Variants in UBE2G1 observed in about 807,000 individuals in gnomAD.
UBE2G1 encodes ubiquitin-conjugating enzyme E2 G1.
A neutral mutation model predicts 22.7 loss-of-function variants in UBE2G1; 5 were observed. The observed-to-expected ratio is 0.22, with a 90% CI of 0.12 to 0.46. The LOEUF (loss-of-function observed/expected upper bound fraction) is 0.46, where lower values mean the gene tolerates loss of function less well. Among genes scored for constraint, UBE2G1 ranks in the 20% least tolerant of loss-of-function variants. The pLI, the probability that UBE2G1 is intolerant of heterozygous loss-of-function variation, is 0.99. For missense variants in UBE2G1, 88 were observed against 203.9 expected (o/e 0.43, Z 3.46); for synonymous variants, 74 against 67.5 (o/e 1.10, Z -0.47).
chr17:4,314,121 T>C lies in UBE2G1; in HGVS notation c.47-6998A>G, dbSNP rs976453474. Among the ~76,000 whole-genome samples the C allele has an allele frequency of 9.8e-5, 15 of 152,306 alleles. No homozygotes were observed. In the East Asian group the frequency reaches 2.9e-3, roughly 29 times the overall value. On this transcript the variant is annotated intron_variant, in intron 1 of 5. Transcript: ENST00000396981. ...CTCAGATCTATCCACTGAAAAGGTC[T>C]AGAAAAAATGAACAGCCCAGTAGTG...
intron 1 of UBE2G1, among the ~76,000 whole-genome samples, chr17:4,347,985 C>T (rs201012328): frequency 6.6e-6 from 1 of 152,194 alleles, no homozygotes; most frequent in Non-Finnish European, 1.5e-5. Flanking sequence ...TGAGACACAA[C>T]AATACTGAAA....
intron 4 of UBE2G1, 95 bp downstream of exon 4, chr17:4,289,135 G>C: frequency 2.0e-6 from 2 of 1,014,112 alleles, no homozygotes; most frequent in Non-Finnish European, 2.7e-6. Context: ...ACACACGCAT[G>C]CATACATTCA....
Position 4,327,749 on chromosome 17 carries a change from C to T in UBE2G1, c.47-20626G>A, listed in dbSNP as rs187390009. Among the ~76,000 whole-genome samples the T allele has an allele frequency of 4.6e-5, 7 of 152,258 alleles. No individual in the cohort carries two copies. In the South Asian group the frequency reaches 1.2e-3, roughly 27 times the overall value. ...TGTGTGGCAGGTCCTAAAATACAGA[C>T]GGACTGTGTCATTACTCTGAATCAC... On this transcript the variant is annotated intron_variant, in intron 1 of 5. Coordinates refer to ENST00000396981, the MANE Select transcript of UBE2G1 (RefSeq NM_003342.5).
chr17:4,293,606 A>C (rs937286144), intron 3 of UBE2G1, among the ~76,000 whole-genome samples: 6 of 152,186 alleles, frequency 3.9e-5, no homozygotes, highest in Non-Finnish European at 8.8e-5. Context: ...GCTCTTCTCC[A>C]AACACCCGCA....
At chr17:4,313,730 A>C (rs1326292727) in intron 1 of UBE2G1, among the ~76,000 whole-genome samples, 2 of 152,176 alleles carry the variant, frequency 1.3e-5, no homozygotes, top group Non-Finnish European at 2.9e-5. Flanking sequence ...TGCCGTCCGT[A>C]ATATGTGCGT....
At chr17:4,282,622 C>T (rs1173994514) in intron 5 of UBE2G1, among the ~76,000 whole-genome samples, 176 bp downstream of exon 5, 5 of 152,054 alleles carry the variant, frequency 3.3e-5, no homozygotes, top group African/African-American at 1.2e-4. Context: ...AGCTGGGTGT[C>T]TTAGGAGAAA....
At chr17:4,361,083 C>A (rs145134068) in intron 1 of UBE2G1, among the ~76,000 whole-genome samples, 1 of 151,508 alleles carries the variant, frequency 6.6e-6, no homozygotes, top group East Asian at 1.9e-4. Context: ...ATTAGCTGGG[C>A]GTGGTGGTGG....
chr17:4,294,430 AAAAAAAAAAAG>A (rs1969081844), intron 3 of UBE2G1, among the ~76,000 whole-genome samples: 2 of 20,676 alleles, frequency 9.7e-5, no homozygotes, highest in African/African-American at 1.1e-4. Flanking sequence ...AAAAAAAAAA[AAAAAAAAAAAG>A]AAAGAAACGA....
chr17:4,293,949 A>G (rs1158076353), intron 3 of UBE2G1, among the ~76,000 whole-genome samples: 1 of 152,156 alleles, frequency 6.6e-6, no homozygotes, highest in Non-Finnish European at 1.5e-5. Flanking sequence ...CCAATCTTCT[A>G]TGAGTGTAAT....
intron 2 of UBE2G1, among the ~76,000 whole-genome samples, chr17:4,299,977 C>T (rs574378488): frequency 1.3e-5 from 2 of 152,052 alleles, no homozygotes; most frequent in South Asian, 4.2e-4. Context: ...CAAGCGCACA[C>T]CACCACGTCC....
chr17:4,306,517 T>A (rs768849390), intron 2 of UBE2G1, among the ~76,000 whole-genome samples: 6 of 151,900 alleles, frequency 3.9e-5, no homozygotes, highest in Non-Finnish European at 7.4e-5. Context: ...TAGCAATAGG[T>A]CTTAGACATT....
intron 1 of UBE2G1, among the ~76,000 whole-genome samples, chr17:4,325,396 T>G (rs1175153131): frequency 1.3e-5 from 2 of 152,218 alleles, no homozygotes; most frequent in African/African-American, 4.8e-5. Context: ...TGTTTTTAAA[T>G]AACTCTTAAA....
chr17:4,334,463 C>T (rs1328933946), intron 1 of UBE2G1, among the ~76,000 whole-genome samples: 3 of 152,186 alleles, frequency 2.0e-5, no homozygotes, highest in Non-Finnish European at 4.4e-5. Flanking sequence ...TTACTCATCA[C>T]TTCTTAGAGA....
At chr17:4,326,007 A>C (rs1969500934) in intron 1 of UBE2G1, among the ~76,000 whole-genome samples, 1 of 152,204 alleles carries the variant, frequency 6.6e-6, no homozygotes, top group African/African-American at 2.4e-5. Flanking sequence ...CTAAAACTTT[A>C]AAACTCTCAG....
intron 4 of UBE2G1, 32 bp downstream of exon 4, chr17:4,289,198 T>TGAAGG: frequency 6.8e-7 from 1 of 1,475,960 alleles, no homozygotes; most frequent in Middle Eastern, 1.8e-4. Context: ...CAAGGGAAAG[T>TGAAGG]GAAGGGAAGG....
intron 1 of UBE2G1, among the ~76,000 whole-genome samples, chr17:4,308,367 A>G (rs755065048): frequency 4.6e-5 from 7 of 151,442 alleles, no homozygotes; most frequent in Admixed American, 1.3e-4. Context: ...AAATATATAA[A>G]TAAATAAATT....
Position 4,269,953 on chromosome 17 carries a change from G to A in UBE2G1, c.*2601C>T, listed in dbSNP as rs144121055. The A allele has an allele frequency of 5.4e-3, 826 of 152,716 alleles. 6 individuals carry two copies. The highest frequency in any genetic ancestry group is 7.7e-3 in the Non-Finnish European group (526 of 68,030). The allele number at this position is 152,716 out of a possible 1,614,324, so 9.5% of individuals were successfully genotyped here. On this transcript the variant is annotated 3_prime_UTR_variant, in exon 6 of 6. Coordinates refer to ENST00000396981, the MANE Select transcript of UBE2G1 (RefSeq NM_003342.5). ...ATGTGGGTTTCGTATCAAATGTAGA[G>A]GCATTTAAATTTACATTATCAGATG...
intron 5 of UBE2G1, among the ~76,000 whole-genome samples, chr17:4,274,835 T>TA (rs1968803053): frequency 1.3e-5 from 2 of 151,568 alleles, no homozygotes; most frequent in Non-Finnish European, 2.9e-5. Flanking sequence ...GGAAGATTGT[T>TA]AGACACCAGG....
At chr17:4,288,771 G>A (rs938325692) in intron 4 of UBE2G1, among the ~76,000 whole-genome samples, 1 of 152,128 alleles carries the variant, frequency 6.6e-6, no homozygotes, top group Admixed American at 6.6e-5. Context: ...GAATTTAAGT[G>A]TTCTCACAAT....
Sources: gnomAD v4.1 joint callset for allele counts (sites outside exome capture counted in the v4.1 genomes callset) on GRCh38, gnomAD v4.1.1 for gene constraint, MANE v1.5 for transcripts, NCBI Gene and HGNC (gene_info 2026-07-23, HGNC 2026-07-21) for gene names.